Variants in FBXO38 observed in about 807,000 individuals in gnomAD.
FBXO38 encodes the protein F-box protein 38, also known as F-box only protein 38.
FBXO38 carries 53 observed loss-of-function variants against 131.9 expected under a neutral mutation model. The ratio of observed to expected loss-of-function variants is 0.40; its 90% CI spans 0.32 to 0.51. The LOEUF is 0.51. Among genes scored for constraint, FBXO38 ranks in the 20% least tolerant of loss-of-function variants. The probability of loss-of-function intolerance (pLI) is 0.53; values close to 1 mark genes in which losing one functional copy is unlikely to be tolerated. For missense variants in FBXO38, 1,076 were observed against 1,475.6 expected (o/e 0.73, Z 4.44); for synonymous variants, 452 against 505.6 (o/e 0.89, Z 1.42).
intron 1 of FBXO38, among the ~76,000 whole-genome samples, chr5:148,391,276 T>G (rs1460474436): frequency 6.6e-6 from 1 of 152,196 alleles, no homozygotes; most frequent in African/African-American, 2.4e-5. Flanking sequence ...CTGGTGGATA[T>G]TCATACATTA....
At position 148,442,331 on chromosome 5, in the gene FBXO38, G is replaced by A. The variant is rs1007764264; in HGVS notation, c.*184G>A. 3 of 418,490 alleles carry A rather than the reference G, an allele frequency of 7.2e-6. No individual in the cohort carries two copies. Among genetic ancestry groups the A allele is most frequent in the East Asian group, 3.6e-5 (1 of 28,010 alleles). 25.9% of individuals were successfully genotyped at this position (418,490 alleles called of 1,614,324 possible). ...TTGTACATAAAAAATATACAAAGACGCTTCCTAAAGTACCAACTTTATATC... is the reference window on the plus strand; with the variant it reads ...TTGTACATAAAAAATATACAAAGACACTTCCTAAAGTACCAACTTTATATC... On this transcript the variant is annotated 3_prime_UTR_variant, in exon 22 of 22. Transcript: ENST00000340253.
At chr5:148,438,541 GTTTTTC>G (rs768211106) in intron 18 of FBXO38, 43 bp downstream of exon 18, 35 of 1,570,352 alleles carry the variant, frequency 2.2e-5, no homozygotes, top group South Asian at 9.4e-5. Flanking sequence ...ATATTGTGGT[GTTTTTC>G]TTTTTCTTTT....
chr5:148,393,772 T>G (rs1028152502), intron 1 of FBXO38, among the ~76,000 whole-genome samples: 2 of 152,130 alleles, frequency 1.3e-5, no homozygotes, highest in East Asian at 1.9e-4. Flanking sequence ...ATCCTGTGCC[T>G]CCTCCATCTA....
In FBXO38 at chr5:148,416,996, T is replaced by A. The variant is rs762232515; in HGVS notation, c.1410T>A (p.Gly470=). 1.8e-5 allele frequency: 29 copies of A among 1,612,898 alleles called. No individual in the cohort carries two copies. The African/African-American group carries it at 2.9e-4, about 16-fold the overall frequency. ...TATGTGTTTTGGTTTTGCCTTAGGG[T>A]TGTGCTCGAGTTGGTCTGAGTGCAG... ...LDQMFREPPK[G]CARVGLSAGT... Residue 470 remains glycine, a splice_region_variant and synonymous_variant, in exon 12 of 22, where the codon GGT becomes GGA. Transcript: ENST00000340253.
At chr5:148,420,427 C>A (rs1753344757) in intron 12 of FBXO38, among the ~76,000 whole-genome samples, 1 of 151,962 alleles carries the variant, frequency 6.6e-6, no homozygotes, top group Non-Finnish European at 1.5e-5. Context: ...CACTGTGCCC[C>A]ACAATGTTGC....
chr5:148,393,665 G>A (rs763995822), intron 1 of FBXO38, among the ~76,000 whole-genome samples: 5 of 152,076 alleles, frequency 3.3e-5, no homozygotes, highest in Admixed American at 6.6e-5. Flanking sequence ...ACTCTGGGCC[G>A]TTTGTTTACA....
At chr5:148,441,828 G>A (rs1754700349) in intron 21 of FBXO38, 141 bp from the exon 22 acceptor site, 2 of 573,014 alleles carry the variant, frequency 3.5e-6, no homozygotes, top group Non-Finnish European at 5.7e-6. Flanking sequence ...CAAACTGGTG[G>A]TGACCCATTC....
intron 1 of FBXO38, among the ~76,000 whole-genome samples, chr5:148,393,442 T>C (rs1209437794): frequency 6.6e-6 from 1 of 152,132 alleles, no homozygotes; most frequent in Admixed American, 6.6e-5. Flanking sequence ...GGTGCCTTTC[T>C]CCTAGTGAGT....
Position 148,414,295 on chromosome 5 carries a change from A to G in FBXO38, c.1253A>G (p.Asn418Ser). Residue 418 changes from asparagine to serine, a missense_variant, in exon 10 of 22, where the codon AAT becomes AGT. Physicochemically the swap from Asn to Ser is conservative, Grantham distance 46 (BLOSUM62 1). Around this residue, in one of 8 missense-constraint regions of FBXO38, gnomAD observed 146 missense variants for 274.3 expected, o/e 0.53. Coordinates refer to ENST00000340253, the MANE Select transcript of FBXO38 (RefSeq NM_205836.3). Reference sequence around the variant, plus strand: ...TGCCCTCATCTACACAACCCATACAATTGGATCTCAGGTATTACAGACTTA... The same window carrying G: ...TGCCCTCATCTACACAACCCATACAGTTGGATCTCAGGTATTACAGACTTA... ...YNCPHLHNPY[N>S]WISDHSRWTR... is the part of the protein sequence containing the mutation. The G allele has an allele frequency of 1.9e-6, 3 of 1,603,274 alleles. No homozygotes were observed. The highest frequency in any genetic ancestry group is 2.6e-6 in the Non-Finnish European group (3 of 1,176,402).
At chr5:148,410,202 C>T (rs1752668653) in intron 8 of FBXO38, 1 of 157,932 alleles carries the variant, frequency 6.3e-6, no homozygotes, top group African/African-American at 2.4e-5. Context: ...CTCTGTTTCT[C>T]CTCAGATCTC....
chr5:148,421,828 AC>A (rs906714205), intron 12 of FBXO38, among the ~76,000 whole-genome samples: 9 of 152,220 alleles, frequency 5.9e-5, no homozygotes, highest in African/African-American at 2.2e-4. Context: ...TTTTGTCAAA[AC>A]CAAGAATCAC....
intron 12 of FBXO38, among the ~76,000 whole-genome samples, chr5:148,422,171 C>A (rs550797375): frequency 2.6e-5 from 4 of 152,034 alleles, no homozygotes; most frequent in African/African-American, 9.7e-5. Context: ...AATATTGATA[C>A]CTTACTCAAA....
intron 13 of FBXO38, 53 bp from the exon 14 acceptor site, chr5:148,425,469 T>A (rs900601720): frequency 1.0e-5 from 14 of 1,406,748 alleles, no homozygotes; most frequent in Non-Finnish European, 1.4e-5. Context: ...GTACTTTGCA[T>A]TAGATCCTTT....
At chr5:148,402,967 G>A (rs1159140970) in intron 5 of FBXO38, among the ~76,000 whole-genome samples, 2 of 152,126 alleles carry the variant, frequency 1.3e-5, no homozygotes, top group Non-Finnish European at 2.9e-5. Context: ...GTCTAAAGAA[G>A]TGGAAATTTC....
At chr5:148,396,935 TC>T (rs140891364) in intron 2 of FBXO38, among the ~76,000 whole-genome samples, 4,565 of 152,226 alleles carry the variant, frequency 0.03, 217 homozygotes, top group African/African-American at 0.1. Context: ...TGAAAATAGA[TC>T]ATATAACATT....
At chr5:148,440,837 C>G (rs951796880) in intron 20 of FBXO38, among the ~76,000 whole-genome samples, 1 of 152,156 alleles carries the variant, frequency 6.6e-6, no homozygotes, top group Non-Finnish European at 1.5e-5. Flanking sequence ...GAATGGGGGT[C>G]CTACAGTTCT....
chr5:148,400,491 T>TA (rs1352708046), intron 3 of FBXO38, among the ~76,000 whole-genome samples: 1 of 152,068 alleles, frequency 6.6e-6, no homozygotes, highest in Non-Finnish European at 1.5e-5. Context: ...TAGGCTATGA[T>TA]AAATAACCTG....
chr5:148,404,563 G>A (rs1034919775), intron 5 of FBXO38, 122 bp from the exon 6 acceptor site: 18 of 802,468 alleles, frequency 2.2e-5, no homozygotes, highest in African/African-American at 1.8e-4. Flanking sequence ...TAATTTGTTC[G>A]GATAAAAATC....
chr5:148,388,802 A>C (rs1234950337), intron 1 of FBXO38, among the ~76,000 whole-genome samples: 1 of 152,158 alleles, frequency 6.6e-6, no homozygotes, highest in Non-Finnish European at 1.5e-5. Flanking sequence ...TTGCTTTCTT[A>C]TCATTTGTTT....
Sources: allele counts gnomAD v4.1 joint callset (sites outside exome capture counted in the v4.1 genomes callset), GRCh38; gene constraint gnomAD v4.1.1; regional missense constraint gnomAD v4.1.1; transcripts MANE v1.5; gene names NCBI Gene and HGNC (gene_info 2026-07-23, HGNC 2026-07-21).